Variants in GALNT17 observed in about 807,000 individuals in gnomAD.
GALNT17 encodes polypeptide N-acetylgalactosaminyltransferase 17.
A neutral mutation model predicts 63.7 loss-of-function variants in GALNT17; 29 were observed. That is an observed-to-expected ratio of 0.46 (90% CI 0.34 to 0.62). The LOEUF is 0.62. Among genes scored for constraint, GALNT17 ranks in the 20% least tolerant of loss-of-function variants. The pLI, the probability that GALNT17 is intolerant of heterozygous loss-of-function variation, is 0.01. For synonymous variants in GALNT17, 305 were observed against 318.3 expected (o/e 0.96, Z 0.45); for missense variants, 603 against 799.6 (o/e 0.75, Z 2.97).
chr7:71,581,321 G>A (rs527984582), intron 6 of GALNT17, among the ~76,000 whole-genome samples: 6 of 152,060 alleles, frequency 3.9e-5, no homozygotes, highest in South Asian at 2.1e-4. Context: ...TACCATGCTC[G>A]GCTAATTTTT....
At chr7:71,662,733 C>A (rs1053835922) in intron 6 of GALNT17, among the ~76,000 whole-genome samples, 1 of 152,208 alleles carries the variant, frequency 6.6e-6, no homozygotes, top group East Asian at 1.9e-4. Context: ...AATATCCCAT[C>A]ATATGGATAT....
chr7:71,460,727 A>G (rs1348773063), intron 5 of GALNT17, among the ~76,000 whole-genome samples: 1 of 152,144 alleles, frequency 6.6e-6, no homozygotes, highest in Non-Finnish European at 1.5e-5. Context: ...TTATTTCTTG[A>G]TGATACGCTA....
chr7:71,404,815 T>C (rs1435187112), intron 3 of GALNT17, among the ~76,000 whole-genome samples: 3 of 152,220 alleles, frequency 2.0e-5, no homozygotes, highest in Non-Finnish European at 4.4e-5. Context: ...TAATCAGCCC[T>C]TAGGCCTCTT....
At chr7:71,141,524 C>T (rs1270248302) in intron 1 of GALNT17, among the ~76,000 whole-genome samples, 2 of 152,156 alleles carry the variant, frequency 1.3e-5, no homozygotes, top group African/African-American at 4.8e-5. Context: ...AAATGTATAG[C>T]ATAAGCATGA....
At chr7:71,304,643 A>C (rs1791257715) in intron 1 of GALNT17, among the ~76,000 whole-genome samples, 1 of 152,172 alleles carries the variant, frequency 6.6e-6, no homozygotes, top group Non-Finnish European at 1.5e-5. Context: ...GGATCCCTAC[A>C]GTTCAGATAA....
At chr7:71,141,377 A>T (rs1438654704) in intron 1 of GALNT17, among the ~76,000 whole-genome samples, 1 of 152,042 alleles carries the variant, frequency 6.6e-6, no homozygotes, top group Non-Finnish European at 1.5e-5. Context: ...TGTCTCAAAA[A>T]AAAAAAGAAA....
chr7:71,555,316 T>C (rs1208693223), intron 5 of GALNT17, among the ~76,000 whole-genome samples: 1 of 151,950 alleles, frequency 6.6e-6, no homozygotes, highest in Non-Finnish European at 1.5e-5. Flanking sequence ...TCAACCCTGA[T>C]TGTGCTTTAG....
chr7:71,207,670 GCAC>G (rs1422975218), intron 1 of GALNT17, among the ~76,000 whole-genome samples: 1 of 152,066 alleles, frequency 6.6e-6, no homozygotes, highest in Non-Finnish European at 1.5e-5. Context: ...AGTGTCACTC[GCAC>G]CTGGAATTTG....
At chr7:71,153,652 T>C (rs1788174744) in intron 1 of GALNT17, among the ~76,000 whole-genome samples, 1 of 152,132 alleles carries the variant, frequency 6.6e-6, no homozygotes, top group South Asian at 2.1e-4. Context: ...TCGTAATCCC[T>C]GGCACGGTAA....
chr7:71,525,736 C>CTTTTTTTTTT (rs71089950), intron 5 of GALNT17, among the ~76,000 whole-genome samples: 3 of 75,060 alleles, frequency 4.0e-5, no homozygotes, highest in Admixed American at 1.9e-4. Flanking sequence ...TATGTCTTTT[C>CTTTTTTTTTT]TTTTTTTTTT....
At chr7:71,485,389 A>G (rs1436837423) in intron 5 of GALNT17, among the ~76,000 whole-genome samples, 1 of 152,140 alleles carries the variant, frequency 6.6e-6, no homozygotes, top group Non-Finnish European at 1.5e-5. Context: ...GAGCCACCAC[A>G]CTTGGCATTG....
intron 2 of GALNT17, among the ~76,000 whole-genome samples, chr7:71,358,148 AAGATCCGCGGCTCCATTCT>A (rs917362746): frequency 3.3e-5 from 5 of 152,160 alleles, no homozygotes; most frequent in African/African-American, 1.2e-4. Flanking sequence ...ACTCACCATG[AAGATCCGCGGCTCCATTCT>A]TGAAGTCAGC....
At chr7:71,316,506 T>G (rs568246050) in intron 1 of GALNT17, among the ~76,000 whole-genome samples, 1 of 152,270 alleles carries the variant, frequency 6.6e-6, no homozygotes, top group South Asian at 2.1e-4. Context: ...TGGCTTTGAT[T>G]ATTGTGAGGT....
chr7:71,615,157 G>T (rs570196588), intron 6 of GALNT17, among the ~76,000 whole-genome samples: 9 of 152,332 alleles, frequency 5.9e-5, no homozygotes, highest in African/African-American at 1.9e-4. Context: ...GACAAGGCCA[G>T]CGCTTCAGCA....
At chr7:71,174,802 G>C (rs1788605842) in intron 1 of GALNT17, among the ~76,000 whole-genome samples, 1 of 152,206 alleles carries the variant, frequency 6.6e-6, no homozygotes, top group Non-Finnish European at 1.5e-5. Flanking sequence ...ATCTTCAGTT[G>C]CTTCAGGCGA....
At chr7:71,683,030 T>G (rs1304028650) in intron 9 of GALNT17, among the ~76,000 whole-genome samples, 2 of 152,050 alleles carry the variant, frequency 1.3e-5, no homozygotes, top group Non-Finnish European at 2.9e-5. Flanking sequence ...GTTTCATCTT[T>G]CCCAGTTCCA....
At chr7:71,450,310 T>C (rs1787237113) in intron 5 of GALNT17, among the ~76,000 whole-genome samples, 1 of 151,964 alleles carries the variant, frequency 6.6e-6, no homozygotes, top group Non-Finnish European at 1.5e-5. Flanking sequence ...AATTTTTGTA[T>C]TTTTAGTAGA....
At chr7:71,489,605 C>T (rs1198937700) in intron 5 of GALNT17, among the ~76,000 whole-genome samples, 1 of 152,186 alleles carries the variant, frequency 6.6e-6, no homozygotes, top group Non-Finnish European at 1.5e-5. Context: ...GAAGGGAGAG[C>T]CCCAGGCTCA....
intron 6 of GALNT17, among the ~76,000 whole-genome samples, chr7:71,649,612 A>AACAC (rs148658729): frequency 0.01 from 1,468 of 146,246 alleles, 15 homozygotes; most frequent in African/African-American, 0.022. Flanking sequence ...TTCAGGATTA[A>AACAC]ACACACACAC....
Sources: gnomAD v4.1 joint callset for allele counts (sites outside exome capture counted in the v4.1 genomes callset) on GRCh38, gnomAD v4.1.1 for gene constraint, MANE v1.5 for transcripts, NCBI Gene and HGNC (gene_info 2026-07-23, HGNC 2026-07-21) for gene names.